NDUFB1: variants seen among roughly 807,000 people sequenced by gnomAD.
NDUFB1 encodes the protein NADH dehydrogenase [ubiquinone] 1 beta subcomplex subunit 1.
NDUFB1 carries 6 observed loss-of-function variants against 6.7 expected under a neutral mutation model. The observed-to-expected ratio is 0.89, with a 90% CI of 0.49 to 1.76. The LOEUF is 1.76. NDUFB1 is among the 40% of genes most tolerant of loss of function. The pLI is 0.01. For synonymous variants in NDUFB1, 17 were observed against 22.9 expected (o/e 0.74, Z 0.74); for missense variants, 56 against 71.0 (o/e 0.79, Z 0.76).
At chr14:92,117,432 G>C (rs2068723973) in intron 2 of NDUFB1, 66 bp downstream of exon 2, 3 of 1,531,258 alleles carry the variant, frequency 2.0e-6, no homozygotes, top group Non-Finnish European at 1.8e-6. Flanking sequence ...GTTTATTTTT[G>C]GCACATATCA....
intron 1 of NDUFB1, chr14:92,121,381 C>A: frequency 1.8e-6 from 1 of 571,220 alleles, no homozygotes; most frequent in Non-Finnish European, 3.1e-6. Flanking sequence ...GGTTAGCGGG[C>A]GGTCACTGGG....
At chr14:92,117,738 C>G in intron 1 of NDUFB1, 96 bp from the exon 2 acceptor site, 1 of 1,240,490 alleles carries the variant, frequency 8.1e-7, no homozygotes, top group Non-Finnish European at 1.1e-6. Context: ...TGGTTCATGC[C>G]TGTAATCCTA....
chr14:92,116,665 T>G (rs1041853846), intron 2 of NDUFB1, among the ~76,000 whole-genome samples: 2 of 152,130 alleles, frequency 1.3e-5, no homozygotes, highest in African/African-American at 2.4e-5. Context: ...ACCGATCCAT[T>G]TAAAAAATTT....
intron 1 of NDUFB1, among the ~76,000 whole-genome samples, chr14:92,119,907 G>T (rs928141868): frequency 1.8e-4 from 28 of 152,072 alleles, no homozygotes; most frequent in African/African-American, 6.3e-4. Context: ...AGCTACGGGT[G>T]CTAATTTAAA....
chr14:92,119,136 AC>A (rs1376895617), intron 1 of NDUFB1, among the ~76,000 whole-genome samples: 1 of 151,902 alleles, frequency 6.6e-6, no homozygotes, highest in African/African-American at 2.4e-5. Flanking sequence ...ACATGGCAAA[AC>A]CCTGTCTCTA....
chr14:92,116,123 T>G lies in NDUFB1; in HGVS notation c.*70A>C. 2 of 1,417,024 alleles carry G rather than the reference T, an allele frequency of 1.4e-6. No individual in the cohort carries two copies. Among genetic ancestry groups the G allele is most frequent in the Non-Finnish European group, 2.0e-6 (2 of 1,003,062 alleles). 87.8% of individuals were successfully genotyped at this position (1,417,024 alleles called of 1,614,324 possible). On this transcript the variant is annotated 3_prime_UTR_variant, in exon 3 of 3. Coordinates refer to ENST00000605997, the MANE Select transcript of NDUFB1 (RefSeq NM_004545.4). ...CTACCTTTGTATGAAAAGAAAGACA[T>G]TTCAGATTCTTCATGTTTTTATTTC...
At chr14:92,117,681 G>GTTT (rs745959877) in intron 1 of NDUFB1, 39 bp from the exon 2 acceptor site, 2 of 1,277,664 alleles carry the variant, frequency 1.6e-6, no homozygotes, top group Non-Finnish European at 2.1e-6. Flanking sequence ...CAACTGCTTT[G>GTTT]TTTTTTTTTT....
chr14:92,120,521 T>C (rs891415212), intron 1 of NDUFB1: 5 of 151,692 alleles, frequency 3.3e-5, no homozygotes, highest in African/African-American at 1.2e-4. Context: ...CAGCTAATTT[T>C]GTATTTTTGG....
intron 2 of NDUFB1, among the ~76,000 whole-genome samples, chr14:92,116,658 G>C (rs752630095): frequency 6.6e-6 from 1 of 151,844 alleles, no homozygotes; most frequent in Non-Finnish European, 1.5e-5. Context: ...CTATTACACC[G>C]ATCCATTTAA....
At chr14:92,117,425 T>A (rs2068723932) in intron 2 of NDUFB1, 73 bp downstream of exon 2, 1 of 1,512,782 alleles carries the variant, frequency 6.6e-7, no homozygotes, top group Non-Finnish European at 9.2e-7. Context: ...CCCTTCTGTT[T>A]ATTTTTGGCA....
intron 1 of NDUFB1, chr14:92,118,549 G>A (rs2068731761): frequency 6.6e-6 from 1 of 152,064 alleles, no homozygotes; most frequent in Non-Finnish European, 1.5e-5. Flanking sequence ...AATTTTGCCA[G>A]AAATGGAATT....
At chr14:92,117,682 T>TTTG (rs761541920) in intron 1 of NDUFB1, 40 bp from the exon 2 acceptor site, 327 of 1,445,800 alleles carry the variant, frequency 2.3e-4, no homozygotes, top group African/African-American at 8.6e-4. Context: ...AACTGCTTTG[T>TTTG]TTTTTTTTTG....
At position 92,117,719 on chromosome 14, in the gene NDUFB1, C is replaced by G. The variant is rs966162467; in HGVS notation, c.-5-77G>C. 7 of 1,446,528 alleles carry G rather than the reference C, an allele frequency of 4.8e-6. No individual in the cohort carries two copies. In the African/African-American group the frequency reaches 1.0e-4, roughly 21 times the overall value. The allele number at this position is 1,446,528 out of a possible 1,614,324, so 89.6% of individuals were successfully genotyped here. ...AATAGCTTTTAAATTGCATCTGGGC[C>G]AGGTGCGGTGGTTCATGCCTGTAAT... On this transcript the variant is annotated intron_variant, in intron 1 of 2. Transcript: ENST00000605997.
At chr14:92,118,995 A>T in intron 1 of NDUFB1, 1 of 379,700 alleles carries the variant, frequency 2.6e-6, no homozygotes, top group Non-Finnish European at 5.1e-6. Context: ...AAAGAAAAAA[A>T]AAGGCAAAGG....
At chr14:92,118,998 G>A (rs1596116462) in intron 1 of NDUFB1, 1 of 334,302 alleles carries the variant, frequency 3.0e-6, no homozygotes, top group African/African-American at 2.5e-5. Context: ...GAAAAAAAAA[G>A]GCAAAGGGAG....
Position 92,119,166 on chromosome 14 carries a change from G to A in NDUFB1, c.-5-1524C>T, listed in dbSNP as rs183524286. 4.6e-5 allele frequency among the ~76,000 whole-genome samples: 7 copies of A among 152,082 alleles called. No homozygotes were observed. In the East Asian group the frequency reaches 1.4e-3, roughly 29 times the overall value. ...GTCTCTACAAAAAATCAAAAAATTA[G>A]CTGGGTGTGGTAGTATATGCCTGTA... On this transcript the variant is annotated intron_variant, in intron 1 of 2. Coordinates refer to ENST00000605997, the MANE Select transcript of NDUFB1 (RefSeq NM_004545.4).
chr14:92,116,326 A>C (rs2068716650), intron 2 of NDUFB1, 97 bp from the exon 3 acceptor site: 1 of 698,096 alleles, frequency 1.4e-6, no homozygotes. Context: ...GCAATATTTC[A>C]TTTTCTTTTT....
chr14:92,117,721 GGTGCGGTGGTTCATGCCT>G, intron 1 of NDUFB1, 79 bp from the exon 2 acceptor site: 2 of 1,394,914 alleles, frequency 1.4e-6, no homozygotes, highest in Non-Finnish European at 2.0e-6. Flanking sequence ...ATCTGGGCCA[GGTGCGGTGGTTCATGCCT>G]GTAATCCTAG....
chr14:92,120,591 C>G (rs986840799), intron 1 of NDUFB1, among the ~76,000 whole-genome samples: 2 of 151,958 alleles, frequency 1.3e-5, no homozygotes. Flanking sequence ...CTCAGGTGGT[C>G]CGCCCGCCTA....
Sources: allele counts gnomAD v4.1 joint callset (sites outside exome capture counted in the v4.1 genomes callset), GRCh38; gene constraint gnomAD v4.1.1; transcripts MANE v1.5; gene names NCBI Gene and HGNC (gene_info 2026-07-23, HGNC 2026-07-21).